EPHX2: variants seen among roughly 807,000 people sequenced by gnomAD.
EPHX2 encodes bifunctional epoxide hydrolase 2.
Under a neutral mutation model 78.7 loss-of-function variants are expected in EPHX2, and 74 were observed. The observed-to-expected ratio is 0.94, with a 90% CI of 0.78 to 1.14. The LOEUF (loss-of-function observed/expected upper bound fraction) is 1.14, where lower values mean the gene tolerates loss of function less well. Ranked by LOEUF, EPHX2 falls within the 50% of genes most tolerant of loss-of-function variation. EPHX2 has a pLI of 0.00. For missense variants in EPHX2, 715 were observed against 702.5 expected, an observed-to-expected ratio of 1.02 and a Z score of -0.20; for synonymous variants, 251 against 255.2, an observed-to-expected ratio of 0.98 and a Z score of 0.16.
intron 12 of EPHX2, among the ~76,000 whole-genome samples, chr8:27,529,258 G>A (rs1814950620): frequency 6.6e-6 from 1 of 152,194 alleles, no homozygotes; most frequent in African/African-American, 2.4e-5. Flanking sequence ...TGCTTTTCTT[G>A]CCTTCTCAGA....
chr8:27,539,256 C>A (rs1433948312), intron 14 of EPHX2: 1 of 152,932 alleles, frequency 6.5e-6, no homozygotes, highest in Admixed American at 6.5e-5. Flanking sequence ...AGCACTGTGG[C>A]CTTGACAGCA....
In EPHX2 at chr8:27,505,144, G is replaced by A. The variant is rs1813954036; in HGVS notation, c.535G>A (p.Glu179Lys). ...GGACACCCTGAAGGCCAGCCCCAGT[G>A]AGGTACGGAGACACTTCCTTATGGC... ...LLDTLKASPS[E>K]VVFLDDIGAN... The change falls in exon 4 of 19, where the codon GAG becomes AAG. Residue 179 changes from glutamate to lysine, a missense_variant and splice_region_variant. By Grantham distance (56) the Glu-to-Lys change is moderately conservative (BLOSUM62 1). Coordinates refer to ENST00000521400, the MANE Select transcript of EPHX2 (RefSeq NM_001979.6). The A allele has an allele frequency of 6.2e-7, 1 of 1,613,888 alleles. No individual in the cohort carries two copies.
intron 1 of EPHX2, among the ~76,000 whole-genome samples, chr8:27,492,663 C>A (rs933477717): frequency 1.3e-5 from 2 of 152,172 alleles, no homozygotes; most frequent in Admixed American, 6.5e-5. Context: ...CTGGGGTGGC[C>A]AGCTTTTATT....
rs7816586 is a variant in EPHX2 at position 27,511,817 on chromosome 8, A to G, written c.661-19A>G. On this transcript the variant is annotated intron_variant, in intron 5 of 18. Coordinates refer to ENST00000521400, the MANE Select transcript of EPHX2 (RefSeq NM_001979.6). ...GGAGGCTGCTGCTGTCTCTCTCACT[A>G]TACCTTTCCTGCTTACAGCTTCTCA... 0.59 allele frequency: 945,363 copies of G among 1,612,988 alleles called. 282,706 individuals are homozygous for G. The highest frequency in any genetic ancestry group is 0.92 in the African/African-American group (68,882 of 74,978).
intron 16 of EPHX2, 82 bp from the exon 17 acceptor site, chr8:27,543,667 G>A: frequency 7.2e-7 from 1 of 1,390,186 alleles, no homozygotes; most frequent in Non-Finnish European, 1.0e-6. Flanking sequence ...ACAGCAGGGT[G>A]GCGAGCAGGG....
intron 11 of EPHX2, among the ~76,000 whole-genome samples, chr8:27,522,887 G>A (rs561328131): frequency 1.1e-3 from 160 of 150,212 alleles, no homozygotes; most frequent in Non-Finnish European, 1.7e-3. Context: ...CTTGAACCCA[G>A]GAGGTGGAGG....
downstream of EPHX2, among the ~76,000 whole-genome samples, chr8:27,547,890 T>C (rs967593498): frequency 1.3e-5 from 2 of 152,224 alleles, no homozygotes; most frequent in African/African-American, 4.8e-5. Flanking sequence ...AAGATTTCAT[T>C]CTTTTTTTGT....
chr8:27,491,459 A>G (rs973087818), intron 1 of EPHX2, 150 bp downstream of exon 1: 11 of 587,558 alleles, frequency 1.9e-5, no homozygotes, highest in Middle Eastern at 4.5e-4. Flanking sequence ...CTGAAGTCCC[A>G]GTGCATATGA....
At chr8:27,502,926 T>G (rs1813853500) in intron 2 of EPHX2, among the ~76,000 whole-genome samples, 2 of 152,310 alleles carry the variant, frequency 1.3e-5, no homozygotes, top group South Asian at 4.1e-4. Flanking sequence ...AGTGGACATT[T>G]GGGTAGTTCC....
intron 5 of EPHX2, among the ~76,000 whole-genome samples, chr8:27,510,322 G>C (rs17057288): frequency 6.6e-6 from 1 of 152,074 alleles, no homozygotes; most frequent in Non-Finnish European, 1.5e-5. Context: ...ATTCACATAC[G>C]TGTCCTCAGT....
intron 1 of EPHX2, among the ~76,000 whole-genome samples, chr8:27,498,388 A>G (rs985656324): frequency 9.9e-5 from 15 of 151,966 alleles, no homozygotes; most frequent in African/African-American, 3.6e-4. Flanking sequence ...TTCCAATACC[A>G]AGAATGTTCT....
chr8:27,538,536 A>G (rs1815284724), intron 13 of EPHX2, 123 bp from the exon 14 acceptor site: 3 of 881,960 alleles, frequency 3.4e-6, no homozygotes, highest in Non-Finnish European at 5.2e-6. Flanking sequence ...GTCATTTGTC[A>G]TAACAGGGTT....
downstream of EPHX2, among the ~76,000 whole-genome samples, chr8:27,547,783 G>A (rs1292568249): frequency 6.6e-6 from 1 of 151,962 alleles, no homozygotes; most frequent in Non-Finnish European, 1.5e-5. Flanking sequence ...TTTAGCTTCT[G>A]CATGTGAGTG....
chr8:27,511,732 G>T, intron 5 of EPHX2, 104 bp from the exon 6 acceptor site: 1 of 1,211,634 alleles, frequency 8.3e-7, no homozygotes, highest in Non-Finnish European at 1.2e-6. Flanking sequence ...AGGATGGAGT[G>T]GAAAAGGTGA....
chr8:27,512,058 A>C, intron 6 of EPHX2, 148 bp downstream of exon 6: 4 of 627,568 alleles, frequency 6.4e-6, no homozygotes, highest in Non-Finnish European at 8.4e-6. Context: ...TGATCACACC[A>C]CTGTGCTCCA....
chr8:27,533,120 G>T (rs1405982220), intron 12 of EPHX2, among the ~76,000 whole-genome samples: 2 of 151,938 alleles, frequency 1.3e-5, no homozygotes, highest in African/African-American at 2.4e-5. Flanking sequence ...GTCTCTAAAC[G>T]AATAATAATA....
At chr8:27,498,716 T>C (rs1006484514) in intron 1 of EPHX2, among the ~76,000 whole-genome samples, 2 of 152,192 alleles carry the variant, frequency 1.3e-5, no homozygotes, top group Non-Finnish European at 2.9e-5. Context: ...AAGTTGAATA[T>C]TGCATTGCTT....
At chr8:27,525,128 A>G (rs1814796657) in intron 11 of EPHX2, among the ~76,000 whole-genome samples, 4 of 138,622 alleles carry the variant, frequency 2.9e-5, no homozygotes, top group African/African-American at 5.5e-5. Flanking sequence ...GCGCGCACCT[A>G]TGTGTCTAAG....
downstream of EPHX2, among the ~76,000 whole-genome samples, chr8:27,546,846 GC>G (rs1815584422): frequency 6.6e-6 from 1 of 152,214 alleles, no homozygotes. Context: ...CTGGAGACTG[GC>G]TACTTTATAA....
Sources: gnomAD v4.1 joint callset for allele counts (sites outside exome capture counted in the v4.1 genomes callset) on GRCh38, gnomAD v4.1.1 for gene constraint, MANE v1.5 for transcripts, NCBI Gene and HGNC (gene_info 2026-07-23, HGNC 2026-07-21) for gene names.